Variants in PKNOX2 observed in about 807,000 individuals in gnomAD.
PKNOX2 encodes the protein PBX/knotted 1 homeobox 2.
In PKNOX2, 14 loss-of-function variants were observed where a neutral mutation model predicts 53.1. That is an observed-to-expected ratio of 0.26 (90% confidence interval 0.17 to 0.41). PKNOX2 has a LOEUF of 0.41. Ranked by LOEUF, PKNOX2 falls within the 10% of genes least tolerant of loss-of-function variation. The pLI, the probability that PKNOX2 is intolerant of heterozygous loss-of-function variation, is 1.00. For missense variants in PKNOX2, 496 were observed against 602.8 expected (o/e 0.82, Z 1.85); for synonymous variants, 257 against 242.8 (o/e 1.06, Z -0.54).
chr11:125,187,378 T>G (rs1046570789), intron 1 of PKNOX2, among the ~76,000 whole-genome samples: 1 of 152,230 alleles, frequency 6.6e-6, no homozygotes, highest in African/African-American at 2.4e-5. Flanking sequence ...AAATCTAATT[T>G]CAGCAATGTT....
chr11:125,180,595 G>A (rs569165723), intron 1 of PKNOX2, among the ~76,000 whole-genome samples: 9 of 152,200 alleles, frequency 5.9e-5, no homozygotes, highest in South Asian at 2.1e-4. Flanking sequence ...CACAGAGCTC[G>A]GAGCCAGAAT....
intron 4 of PKNOX2, among the ~76,000 whole-genome samples, chr11:125,354,992 CA>C (rs1412949742): frequency 6.6e-6 from 1 of 152,076 alleles, no homozygotes; most frequent in Non-Finnish European, 1.5e-5. Flanking sequence ...GCGGGCTGGG[CA>C]TGGTGGCTCA....
intron 7 of PKNOX2, 54 bp downstream of exon 7, chr11:125,398,116 T>C (rs1284844462): frequency 6.5e-7 from 1 of 1,527,504 alleles, no homozygotes; most frequent in African/African-American, 1.4e-5. Flanking sequence ...AGCCCAGCTC[T>C]GGAGCCACGC....
intron 2 of PKNOX2, among the ~76,000 whole-genome samples, chr11:125,300,911 A>G (rs1467400130): frequency 2.0e-5 from 3 of 152,206 alleles, no homozygotes; most frequent in Non-Finnish European, 4.4e-5. Context: ...ATGGATGGAC[A>G]AATGAATACA....
intron 2 of PKNOX2, chr11:125,277,744 A>G (rs1393019594): frequency 6.6e-6 from 1 of 152,226 alleles, no homozygotes; most frequent in East Asian, 1.9e-4. Context: ...ATTATTGTAT[A>G]TTTCAAAATA....
At chr11:125,277,015 C>G (rs1946211987) in intron 2 of PKNOX2, among the ~76,000 whole-genome samples, 1 of 152,048 alleles carries the variant, frequency 6.6e-6, no homozygotes, top group South Asian at 2.1e-4. Context: ...GAAGTGAACA[C>G]ATGCAGGGAG....
intron 7 of PKNOX2, among the ~76,000 whole-genome samples, chr11:125,400,851 A>G (rs1157401782): frequency 1.3e-5 from 2 of 152,166 alleles, no homozygotes; most frequent in Non-Finnish European, 2.9e-5. Flanking sequence ...CTTTTTGAGC[A>G]GAGACAGTAT....
At chr11:125,190,670 CT>C (rs1328797761) in intron 1 of PKNOX2, among the ~76,000 whole-genome samples, 3 of 152,160 alleles carry the variant, frequency 2.0e-5, no homozygotes, top group African/African-American at 7.2e-5. Context: ...TGATGGCCAC[CT>C]GTGAACATTT....
At chr11:125,222,977 A>C (rs1238436293) in intron 1 of PKNOX2, among the ~76,000 whole-genome samples, 1 of 152,194 alleles carries the variant, frequency 6.6e-6, no homozygotes, top group East Asian at 1.9e-4. Flanking sequence ...CTACAGGAAG[A>C]GCCCGGCAGC....
intron 2 of PKNOX2, among the ~76,000 whole-genome samples, chr11:125,242,403 G>A (rs142876005): frequency 6.6e-6 from 1 of 152,214 alleles, no homozygotes; most frequent in Non-Finnish European, 1.5e-5. Context: ...CGCTCTGGGA[G>A]TTTGCCCTAC....
intron 2 of PKNOX2, among the ~76,000 whole-genome samples, chr11:125,282,740 G>GT (rs770202519): frequency 9.8e-5 from 15 of 152,320 alleles, no homozygotes; most frequent in Admixed American, 4.6e-4. Flanking sequence ...CCAGTAAAAC[G>GT]TTTTGCAATG....
At chr11:125,275,261 A>G (rs1439031476) in intron 2 of PKNOX2, among the ~76,000 whole-genome samples, 1 of 152,158 alleles carries the variant, frequency 6.6e-6, no homozygotes, top group Non-Finnish European at 1.5e-5. Context: ...TGAGAAAGTG[A>G]CAGCCATGGG....
At chr11:125,196,953 TG>T in intron 1 of PKNOX2, among the ~76,000 whole-genome samples, 1 of 152,232 alleles carries the variant, frequency 6.6e-6, no homozygotes, top group Admixed American at 6.5e-5. Flanking sequence ...CTGGGATCAC[TG>T]GATTTTACCC....
At chr11:125,307,126 G>A (rs111921231) in intron 2 of PKNOX2, among the ~76,000 whole-genome samples, 8 of 152,224 alleles carry the variant, frequency 5.3e-5, no homozygotes, top group Admixed American at 1.3e-4. Context: ...TTTGTACATC[G>A]TAGTCTTCTT....
At chr11:125,248,446 G>A (rs1433676638) in intron 2 of PKNOX2, among the ~76,000 whole-genome samples, 1 of 152,132 alleles carries the variant, frequency 6.6e-6, no homozygotes, top group African/African-American at 2.4e-5. Flanking sequence ...ATTGGAATAA[G>A]AGAAGAAAAT....
chr11:125,321,709 C>T (rs1046687792), intron 2 of PKNOX2, among the ~76,000 whole-genome samples: 5 of 152,180 alleles, frequency 3.3e-5, no homozygotes, highest in Admixed American at 3.3e-4. Context: ...ATTACAAAAA[C>T]AGGCAGCCTC....
intron 2 of PKNOX2, among the ~76,000 whole-genome samples, chr11:125,284,550 A>AT (rs1316750660): frequency 1.3e-5 from 2 of 152,216 alleles, no homozygotes; most frequent in African/African-American, 4.8e-5. Flanking sequence ...GCAGAAGGCT[A>AT]TTTTTTGCAA....
intron 7 of PKNOX2, among the ~76,000 whole-genome samples, chr11:125,401,789 GTA>G (rs967615681): frequency 4.1e-5 from 6 of 147,928 alleles, no homozygotes; most frequent in African/African-American, 1.6e-4. Context: ...GTGTGTGTGT[GTA>G]TGTGTGTGCA....
intron 5 of PKNOX2, among the ~76,000 whole-genome samples, chr11:125,371,556 C>T (rs1294930116): frequency 6.6e-6 from 1 of 152,124 alleles, no homozygotes; most frequent in Non-Finnish European, 1.5e-5. Flanking sequence ...CTCCAGTCTC[C>T]TTCGTTCCCC....
Sources: gnomAD v4.1 joint callset for allele counts (sites outside exome capture counted in the v4.1 genomes callset) on GRCh38, gnomAD v4.1.1 for gene constraint, MANE v1.5 for transcripts, NCBI Gene and HGNC (gene_info 2026-07-23, HGNC 2026-07-21) for gene names.